Variants in CNNM4 observed in about 807,000 individuals in gnomAD.
The protein encoded by CNNM4 is metal transporter CNNM4.
CNNM4 carries 32 observed loss-of-function variants against 53.7 expected under a neutral mutation model. The observed-to-expected ratio is 0.60, with a 90% CI of 0.45 to 0.80. The LOEUF (loss-of-function observed/expected upper bound fraction) is 0.80. CNNM4 is among the 30% of genes least tolerant of loss of function. CNNM4 has a pLI of 0.00. For synonymous variants in CNNM4, 410 were observed against 440.0 expected (o/e 0.93, Z 0.85); for missense variants, 784 against 1,022.0 (o/e 0.77, Z 3.17).
At chr2:96,790,726 T>C (rs1452172260) in intron 1 of CNNM4, among the ~76,000 whole-genome samples, 1 of 146,600 alleles carries the variant, frequency 6.8e-6, no homozygotes, top group African/African-American at 2.5e-5. Flanking sequence ...ACCCTTGTAA[T>C]CCCAGCACTT....
chr2:96,765,900 C>T (rs1328126234), intron 1 of CNNM4, among the ~76,000 whole-genome samples: 2 of 148,646 alleles, frequency 1.3e-5, no homozygotes, highest in African/African-American at 2.5e-5. Context: ...TCTCCTGTCT[C>T]AGCCTCCCGA....
chr2:96,769,434 G>T (rs1402589148), intron 1 of CNNM4, among the ~76,000 whole-genome samples: 1 of 151,650 alleles, frequency 6.6e-6, no homozygotes, highest in Non-Finnish European at 1.5e-5. Flanking sequence ...GCGTGGTGGT[G>T]GGTGCCTGTA....
At chr2:96,788,578 A>T (rs1282562599) in intron 1 of CNNM4, 3 of 152,232 alleles carry the variant, frequency 2.0e-5, no homozygotes, top group Non-Finnish European at 1.5e-5. Context: ...CAGCACTATT[A>T]ATAGCCAGCT....
intron 1 of CNNM4, among the ~76,000 whole-genome samples, chr2:96,786,615 A>T (rs1188540247): frequency 6.6e-6 from 1 of 151,564 alleles, no homozygotes; most frequent in South Asian, 2.1e-4. Context: ...CCCGTCTACT[A>T]AAAAATACAA....
intron 1 of CNNM4, among the ~76,000 whole-genome samples, chr2:96,788,183 A>G (rs2079030496): frequency 6.6e-6 from 1 of 151,870 alleles, no homozygotes; most frequent in Non-Finnish European, 1.5e-5. Flanking sequence ...TTGGCCTCCC[A>G]AAGTGCTGGG....
intron 1 of CNNM4, among the ~76,000 whole-genome samples, chr2:96,796,802 C>A (rs565728568): frequency 6.6e-6 from 1 of 152,136 alleles, no homozygotes; most frequent in African/African-American, 2.4e-5. Flanking sequence ...TGGTCCTTAA[C>A]GACATGCTTT....
intron 5 of CNNM4, among the ~76,000 whole-genome samples, chr2:96,807,387 T>C (rs937212943): frequency 6.6e-6 from 1 of 151,350 alleles, no homozygotes; most frequent in African/African-American, 2.4e-5. Context: ...CTTTGCGAGG[T>C]TGAGGCAGGC....
chr2:96,788,252 CTT>C (rs753661420), intron 1 of CNNM4, among the ~76,000 whole-genome samples: 10 of 140,070 alleles, frequency 7.1e-5, no homozygotes, highest in South Asian at 2.3e-4. Context: ...TCGCTGTAAT[CTT>C]TTTTTTTTTT....
chr2:96,789,255 C>T (rs1236410361), intron 1 of CNNM4, among the ~76,000 whole-genome samples: 2 of 152,160 alleles, frequency 1.3e-5, no homozygotes, highest in African/African-American at 4.8e-5. Context: ...CCCTAAAAGA[C>T]AACATGGCTA....
At chr2:96,762,454 C>A in intron 1 of CNNM4, 53 bp downstream of exon 1, 2 of 1,526,916 alleles carry the variant, frequency 1.3e-6, no homozygotes, top group African/African-American at 2.7e-5. Flanking sequence ...GCCTCTTTTC[C>A]CCTGGCGTGT....
chr2:96,805,025 G>T (rs2079189263), intron 5 of CNNM4, among the ~76,000 whole-genome samples: 1 of 151,968 alleles, frequency 6.6e-6, no homozygotes. Flanking sequence ...AGTTGAAAAA[G>T]AAAATAAATT....
At chr2:96,795,776 C>G (rs1216445906) in intron 1 of CNNM4, among the ~76,000 whole-genome samples, 3 of 152,190 alleles carry the variant, frequency 2.0e-5, no homozygotes, top group Admixed American at 6.5e-5. Flanking sequence ...TAGGCTGCTC[C>G]AAACCTGTGT....
At position 96,799,599 on chromosome 2, in the gene CNNM4, G is replaced by A. The variant is rs753028867; in HGVS notation, c.1899G>A (p.Thr633=). The A allele has an allele frequency of 4.1e-5, 64 of 1,554,756 alleles. No homozygotes were observed. Among genetic ancestry groups the A allele is most frequent in the African/African-American group, 5.5e-5 (4 of 73,176 alleles). The change falls in exon 5 of 7, where the codon ACG becomes ACA. Residue 633 remains threonine, a synonymous_variant. Coordinates refer to ENST00000377075, the MANE Select transcript of CNNM4 (RefSeq NM_020184.4). ...GGAAGGAGAACATGAAGTTTGAGAC[G>A]GGCGCCTTCTCCTACTATGGGACTA... ...EAGKENMKFE[T]GAFSYYGTMA... is the part of the protein sequence containing the mutation.
rs1045671384 is a variant in CNNM4, at chr2:96,797,544, G to A, written c.1578G>A (p.Glu526=). 6.2e-7 allele frequency: 1 copy of A among 1,614,168 alleles called. No individual in the cohort carries two copies. Among genetic ancestry groups the A allele is most frequent in the Non-Finnish European group, 8.5e-7 (1 of 1,179,976 alleles). Residue 526 remains glutamate, a synonymous_variant, in exon 3 of 7, where the codon GAG becomes GAA. Coordinates refer to ENST00000377075, the MANE Select transcript of CNNM4 (RefSeq NM_020184.4). This position sits in a 1 kb window ranked among gnomAD's most constrained non-coding sequence, Gnocchi z 6.0. The part of the protein sequence containing the change: ...TDNRSRKRVS[E]KNKRDFSAFK... Reference sequence around the variant, plus strand: ...ACCGAAGCCGGAAGCGGGTGTCTGAGAAGAACAAGCGTGACTTCTCTGCCT... The same window carrying A: ...ACCGAAGCCGGAAGCGGGTGTCTGAAAAGAACAAGCGTGACTTCTCTGCCT...
chr2:96,807,500 C>T (rs369131344), intron 5 of CNNM4, among the ~76,000 whole-genome samples: 24 of 151,834 alleles, frequency 1.6e-4, no homozygotes, highest in African/African-American at 2.4e-4. Flanking sequence ...TGGTGGAATG[C>T]GCCTGGGTGA....
intron 1 of CNNM4, among the ~76,000 whole-genome samples, chr2:96,790,878 G>C (rs2079056710): frequency 6.6e-6 from 1 of 151,558 alleles, no homozygotes; most frequent in Non-Finnish European, 1.5e-5. Flanking sequence ...CCAGCACTTT[G>C]GGAGGTTGAG....
chr2:96,787,335 A>G (rs1403438034), intron 1 of CNNM4, among the ~76,000 whole-genome samples: 1 of 152,220 alleles, frequency 6.6e-6, no homozygotes, highest in African/African-American at 2.4e-5. Flanking sequence ...ATGATAGGTA[A>G]AAAATGAGTT....
At position 96,799,553 on chromosome 2, in the gene CNNM4, GGAAGGT is replaced by G. The variant is rs1173879847; in HGVS notation, c.1855_1860del (p.Lys619_Val620del). 2 of 1,554,050 alleles carry G rather than the reference GGAAGGT, an allele frequency of 1.3e-6. No homozygotes were observed. The highest frequency in any genetic ancestry group is 1.4e-5 in the African/African-American group (1 of 73,266). ...AACTCCAGCCCTGTGTTTTTTCAGG[GGAAGGT>G]GGAGGTGGAGGCAGGGAAGGAGAAC... On this transcript the variant is annotated inframe_deletion and splice_region_variant, in exon 5 of 7. Transcript: ENST00000377075.
chr2:96,780,436 T>TC (rs2078964312), intron 1 of CNNM4, among the ~76,000 whole-genome samples: 2 of 150,742 alleles, frequency 1.3e-5, no homozygotes, highest in Admixed American at 6.6e-5. Flanking sequence ...TTTTTTTTTT[T>TC]CTTTTTTAGA....
Sources: gnomAD v4.1 joint callset for allele counts (sites outside exome capture counted in the v4.1 genomes callset) on GRCh38, gnomAD v4.1.1 for gene constraint, Gnocchi (gnomAD v3.1) non-coding constraint, MANE v1.5 for transcripts, NCBI Gene and HGNC (gene_info 2026-07-23, HGNC 2026-07-21) for gene names.